The following FMN1 variants were observed in gnomAD, a reference collection of about 807,000 sequenced individuals.
The protein encoded by FMN1 is formin 1.
A neutral mutation model predicts 132.4 loss-of-function variants in FMN1; 110 were observed. The ratio of observed to expected loss-of-function variants is 0.83; its 90% CI spans 0.71 to 0.97. The LOEUF (loss-of-function observed/expected upper bound fraction) is 0.97. FMN1 is among the 50% of genes least tolerant of loss of function. FMN1 has a pLI of 0.00. For missense variants in FMN1, 1,792 were observed against 1,705.3 expected (o/e 1.05, Z -0.90); for synonymous variants, 722 against 651.7 (o/e 1.11, Z -1.64).
intron 5 of FMN1, chr15:33,067,324 G>C: frequency 6.2e-7 from 1 of 1,613,926 alleles, no homozygotes; most frequent in African/African-American, 1.3e-5. Context: ...TATTTTCCCT[G>C]AAACCTCCTG....
At chr15:32,929,959 C>T (rs2061064482) in intron 9 of FMN1, among the ~76,000 whole-genome samples, 1 of 146,228 alleles carries the variant, frequency 6.8e-6, no homozygotes, top group Non-Finnish European at 1.5e-5. Flanking sequence ...ATTAATGGAT[C>T]ATATGGTAGT....
intron 6 of FMN1, among the ~76,000 whole-genome samples, chr15:33,023,070 A>G (rs1256323419): frequency 4.3e-5 from 3 of 69,086 alleles, no homozygotes; most frequent in African/African-American, 9.4e-5. Flanking sequence ...AAAAAAAAAA[A>G]AAAAAAAGAA....
chr15:33,035,787 T>A (rs578116165), intron 6 of FMN1, among the ~76,000 whole-genome samples: 3 of 152,172 alleles, frequency 2.0e-5, no homozygotes, highest in African/African-American at 4.8e-5. Context: ...CCAAAACTCA[T>A]GTTAAAACAT....
At chr15:33,024,910 A>G (rs2035595722) in intron 6 of FMN1, among the ~76,000 whole-genome samples, 1 of 152,226 alleles carries the variant, frequency 6.6e-6, no homozygotes, top group South Asian at 2.1e-4. Flanking sequence ...ATAGAGCTAT[A>G]CATACGAATG....
chr15:32,909,910 T>A (rs1258728309), intron 11 of FMN1, among the ~76,000 whole-genome samples: 1 of 152,048 alleles, frequency 6.6e-6, no homozygotes, highest in Non-Finnish European at 1.5e-5. Context: ...CCTACTATAA[T>A]CCCCGCTATA....
chr15:32,813,980 C>T (rs1485295616), intron 17 of FMN1, among the ~76,000 whole-genome samples: 1 of 152,192 alleles, frequency 6.6e-6, no homozygotes, highest in Non-Finnish European at 1.5e-5. Flanking sequence ...TACACATCTT[C>T]CATAGGAATA....
At chr15:32,874,756 G>A (rs573196110) in intron 16 of FMN1, among the ~76,000 whole-genome samples, 33 of 152,158 alleles carry the variant, frequency 2.2e-4, no homozygotes, top group African/African-American at 6.8e-4. Flanking sequence ...TTTAAAATTC[G>A]CAGTGAACTC....
intron 4 of FMN1, among the ~76,000 whole-genome samples, chr15:33,097,344 G>A (rs930100245): frequency 6.7e-6 from 1 of 149,420 alleles, no homozygotes; most frequent in Non-Finnish European, 1.5e-5. Context: ...TGGGCTAAAA[G>A]GAGCAGAAAA....
intron 16 of FMN1, among the ~76,000 whole-genome samples, chr15:32,867,484 G>A (rs777127203): frequency 2.2e-4 from 34 of 151,534 alleles, no homozygotes; most frequent in Non-Finnish European, 2.7e-4. Flanking sequence ...TCATCATTAC[G>A]ACCTCAGCTC....
intron 6 of FMN1, among the ~76,000 whole-genome samples, chr15:33,049,444 T>A (rs2036863760): frequency 6.6e-6 from 1 of 152,192 alleles, no homozygotes; most frequent in South Asian, 2.1e-4. Context: ...AAGTCCTTGT[T>A]CCTACCTTTG....
intron 4 of FMN1, among the ~76,000 whole-genome samples, chr15:33,099,332 G>GT (rs1423824089): frequency 5.3e-5 from 8 of 152,184 alleles, no homozygotes; most frequent in Non-Finnish European, 1.2e-4. Context: ...AGTGTACTGT[G>GT]TGTCAGGACT....
chr15:33,108,170 G>T (rs2039557267), intron 4 of FMN1, among the ~76,000 whole-genome samples: 1 of 151,998 alleles, frequency 6.6e-6, no homozygotes, highest in South Asian at 2.1e-4. Context: ...CTTTGACTAA[G>T]CCCTCTCTGT....
At position 32,926,271 on chromosome 15, in the gene FMN1, G is replaced by GAA. The variant is rs201622952; in HGVS notation, c.3139-12_3139-11dup. On this transcript the variant is annotated splice_polypyrimidine_tract_variant and intron_variant, in intron 9 of 20. Transcript: ENST00000616417. ...CCAACAATTTGATGATCTAAAATTAGAAAAAAAAAAAAAAGAATACAAGCT... is the reference window on the plus strand; with the variant it reads ...CCAACAATTTGATGATCTAAAATTAGAAAAAAAAAAAAAAAAGAATACAAGCT... The GAA allele has an allele frequency of 1.9e-3, 1,848 of 988,906 alleles. No individual in the cohort carries two copies. The highest frequency in any genetic ancestry group is 5.7e-3 in the African/African-American group (306 of 54,142). The allele number at this position is 988,906 out of a possible 1,614,324, so 61.3% of individuals were successfully genotyped here. A position where few individuals can be genotyped will look rare whatever the true frequency, so the allele number is the denominator to read the frequency against.
intron 12 of FMN1, among the ~76,000 whole-genome samples, chr15:32,903,304 G>C (rs1339377323): frequency 6.6e-6 from 1 of 152,152 alleles, no homozygotes; most frequent in East Asian, 1.9e-4. Context: ...TAGGAATTCT[G>C]CATTAGGACA....
intron 6 of FMN1, among the ~76,000 whole-genome samples, chr15:33,016,376 C>T (rs1225075197): frequency 6.6e-6 from 1 of 152,176 alleles, no homozygotes; most frequent in Non-Finnish European, 1.5e-5. Flanking sequence ...TGTGAGCTTT[C>T]ATATTTAATA....
At chr15:32,920,298 A>C (rs2060788003) in intron 10 of FMN1, among the ~76,000 whole-genome samples, 1 of 152,284 alleles carries the variant, frequency 6.6e-6, no homozygotes, top group African/African-American at 2.4e-5. Context: ...CATCCTATCT[A>C]GCAGATGGAA....
intron 6 of FMN1, among the ~76,000 whole-genome samples, chr15:33,025,311 A>G (rs1177937127): frequency 1.3e-5 from 2 of 152,190 alleles, no homozygotes; most frequent in African/African-American, 2.4e-5. Context: ...AAACATAATG[A>G]CTGACACAAT....
chr15:33,089,394 T>C (rs2038824457), intron 4 of FMN1, among the ~76,000 whole-genome samples: 1 of 152,230 alleles, frequency 6.6e-6, no homozygotes, highest in African/African-American at 2.4e-5. Context: ...CTTGTTCATC[T>C]TCATTTCTGG....
intron 17 of FMN1, among the ~76,000 whole-genome samples, chr15:32,847,040 G>A (rs2058873243): frequency 6.6e-6 from 1 of 152,134 alleles, no homozygotes; most frequent in Non-Finnish European, 1.5e-5. Context: ...ATCAGAAAGA[G>A]GTTAATGCAA....
Sources: allele counts gnomAD v4.1 joint callset (sites outside exome capture counted in the v4.1 genomes callset), GRCh38; gene constraint gnomAD v4.1.1; transcripts MANE v1.5; gene names NCBI Gene and HGNC (gene_info 2026-07-23, HGNC 2026-07-21).